RBFOX1: variants seen among roughly 807,000 people sequenced by gnomAD.
The protein encoded by RBFOX1 is RNA binding protein fox-1 homolog 1.
Under a neutral mutation model 57.7 loss-of-function variants are expected in RBFOX1, and 8 were observed. That is an observed-to-expected ratio of 0.14 (90% CI 0.08 to 0.25). RBFOX1 has a LOEUF of 0.25. RBFOX1 is among the 10% of genes least tolerant of loss of function. RBFOX1 has a pLI of 1.00. For synonymous variants in RBFOX1, 326 were observed against 222.4 expected (o/e 1.47, Z -4.15); for missense variants, 611 against 548.5 (o/e 1.11, Z -1.14).
chr16:5,801,485 A>G (rs1371988856), intron 3 of RBFOX1, among the ~76,000 whole-genome samples: 1 of 152,144 alleles, frequency 6.6e-6, no homozygotes, highest in Non-Finnish European at 1.5e-5. Flanking sequence ...TATACTTAGC[A>G]GTCATCGGGC....
intron 1 of RBFOX1, among the ~76,000 whole-genome samples, chr16:6,189,701 T>G (rs1210579262): frequency 6.6e-6 from 1 of 152,344 alleles, no homozygotes; most frequent in African/African-American, 2.4e-5. Flanking sequence ...CAGTTGTGGT[T>G]GAGGTTAGAA....
chr16:7,633,600 A>C (rs1418773666), intron 11 of RBFOX1, among the ~76,000 whole-genome samples: 1 of 152,202 alleles, frequency 6.6e-6, no homozygotes, highest in Non-Finnish European at 1.5e-5. Context: ...TAAAAAGCAA[A>C]ATGAAAACTA....
At chr16:6,096,036 A>T (rs1052238209) in intron 1 of RBFOX1, among the ~76,000 whole-genome samples, 2 of 152,184 alleles carry the variant, frequency 1.3e-5, no homozygotes, top group African/African-American at 4.8e-5. Context: ...GACGATGGAG[A>T]TACAATGGAA....
intron 1 of RBFOX1, among the ~76,000 whole-genome samples, chr16:5,449,032 C>T (rs139154908): frequency 4.6e-5 from 7 of 152,210 alleles, no homozygotes; most frequent in South Asian, 4.2e-4. Flanking sequence ...TTGAGCTGCA[C>T]GGGACTGCCC....
chr16:7,291,335 A>T (rs2095768048), intron 4 of RBFOX1, among the ~76,000 whole-genome samples: 1 of 152,218 alleles, frequency 6.6e-6, no homozygotes, highest in Non-Finnish European at 1.5e-5. Flanking sequence ...AGTTGGGAAG[A>T]GCTGAGACTG....
intron 3 of RBFOX1, among the ~76,000 whole-genome samples, chr16:5,859,795 A>G (rs377188188): frequency 7.9e-5 from 12 of 152,364 alleles, no homozygotes; most frequent in Admixed American, 3.3e-4. Flanking sequence ...ATCTATGGTC[A>G]TGTAACAGAA....
chr16:5,562,903 G>A (rs113882220), intron 2 of RBFOX1, among the ~76,000 whole-genome samples: 38 of 152,150 alleles, frequency 2.5e-4, no homozygotes, highest in African/African-American at 8.4e-4. Flanking sequence ...GTCTCAGGAG[G>A]AATATGCAGA....
At chr16:5,518,085 G>A (rs1433360867) in intron 2 of RBFOX1, among the ~76,000 whole-genome samples, 4 of 152,050 alleles carry the variant, frequency 2.6e-5, no homozygotes, top group African/African-American at 9.7e-5. Context: ...ACCTATAAAT[G>A]CCTTATGCTT....
chr16:6,856,709 T>C lies in RBFOX1; in HGVS notation c.-15-195348T>C, dbSNP rs111319276. Among the ~76,000 whole-genome samples the C allele has an allele frequency of 1.7e-4, 26 of 152,242 alleles. 1 individual carries two copies. Among genetic ancestry groups the C allele is most frequent in the African/African-American group, 6.0e-4 (25 of 41,544 alleles). ...AAATTCCATTTAATAAGTAAAGTGG[T>C]TATCTCAATCACAAACTACCATGAG... On this transcript the variant is annotated intron_variant, in intron 3 of 15. Transcript: ENST00000550418.
At chr16:6,867,841 C>T (rs981649046) in intron 3 of RBFOX1, among the ~76,000 whole-genome samples, 2 of 152,158 alleles carry the variant, frequency 1.3e-5, no homozygotes, top group Non-Finnish European at 2.9e-5. Flanking sequence ...TTGACATCCC[C>T]CTTTCTGCTG....
chr16:6,511,689 G>A (rs547643673), intron 2 of RBFOX1, among the ~76,000 whole-genome samples: 3 of 152,298 alleles, frequency 2.0e-5, no homozygotes, highest in Non-Finnish European at 4.4e-5. Context: ...CTTTATTAAA[G>A]GCTGTGGTGA....
rs530597974 is a variant in RBFOX1, at chr16:7,459,825, G to A, written c.28-58322G>A. On this transcript the variant is annotated intron_variant, in intron 4 of 15. Transcript: ENST00000550418. The stretch of plus-strand genomic sequence containing the variant: ...GTCCATCTTCTTTTAGATGCTTACG[G>A]GCCACCATACATACACATTTATTAC... Among the ~76,000 whole-genome samples, 4 of 151,950 alleles carry A rather than the reference G, an allele frequency of 2.6e-5. No homozygotes were observed. In the South Asian group the frequency reaches 8.3e-4, roughly 32 times the overall value.
chr16:7,020,251 A>C (rs1217397331), intron 3 of RBFOX1, among the ~76,000 whole-genome samples: 1 of 151,910 alleles, frequency 6.6e-6, no homozygotes, highest in Non-Finnish European at 1.5e-5. Flanking sequence ...TTTTAGACAG[A>C]ATCTTGCCCT....
intron 2 of RBFOX1, among the ~76,000 whole-genome samples, chr16:6,371,970 A>G (rs1402259414): frequency 1.3e-5 from 2 of 152,194 alleles, no homozygotes; most frequent in African/African-American, 4.8e-5. Flanking sequence ...TTGTATCCCC[A>G]TTGCCTAGGA....
intron 3 of RBFOX1, among the ~76,000 whole-genome samples, chr16:6,742,697 C>G (rs2072560039): frequency 6.6e-6 from 1 of 152,126 alleles, no homozygotes; most frequent in African/African-American, 2.4e-5. Flanking sequence ...TGTGATGAAT[C>G]TCAAGGGCAC....
chr16:6,414,552 G>A (rs1415382345), intron 2 of RBFOX1, among the ~76,000 whole-genome samples: 1 of 152,164 alleles, frequency 6.6e-6, no homozygotes, highest in Non-Finnish European at 1.5e-5. Context: ...GTGCAAAGAA[G>A]AAAATAAAGT....
intron 4 of RBFOX1, among the ~76,000 whole-genome samples, chr16:7,325,379 G>T (rs970945876): frequency 1.3e-5 from 2 of 152,186 alleles, no homozygotes; most frequent in African/African-American, 4.8e-5. Flanking sequence ...GGTCTATGTG[G>T]TTTAATGTGA....
At position 6,166,940 on chromosome 16, in the gene RBFOX1, A is replaced by AT. The variant is rs71404592; in HGVS notation, c.-127+146956dup. Among the ~76,000 whole-genome samples, 19 of 151,636 alleles carry AT rather than the reference A, an allele frequency of 1.3e-4. No individual in the cohort carries two copies. The South Asian group carries it at 1.5e-3, about 12-fold the overall frequency. On this transcript the variant is annotated intron_variant, in intron 1 of 15. Coordinates refer to ENST00000550418, the MANE Select transcript of RBFOX1 (RefSeq NM_018723.4). ...AGGCCTGTACCACCACACCTAGCTA[A>AT]TTTTTTTTATTTTTAATAGAGTCGG...
intron 1 of RBFOX1, among the ~76,000 whole-genome samples, chr16:5,328,612 C>T (rs1276207135): frequency 6.6e-6 from 1 of 152,166 alleles, no homozygotes; most frequent in Non-Finnish European, 1.5e-5. Context: ...ATGAGGTCCA[C>T]CAAGCCCCAT....
Sources: allele counts gnomAD v4.1 joint callset (sites outside exome capture counted in the v4.1 genomes callset), GRCh38; gene constraint gnomAD v4.1.1; transcripts MANE v1.5; gene names NCBI Gene and HGNC (gene_info 2026-07-23, HGNC 2026-07-21).